ZNF654: variants seen among roughly 807,000 people sequenced by gnomAD.
ZNF654 encodes zinc finger protein 654.
A neutral mutation model predicts 95.3 loss-of-function variants in ZNF654; 19 were observed. The ratio of observed to expected loss-of-function variants is 0.20; its 90% CI spans 0.14 to 0.29. The LOEUF is 0.29. Among genes scored for constraint, ZNF654 ranks in the 10% least tolerant of loss-of-function variants. The pLI is 1.00. For synonymous variants in ZNF654, 413 were observed against 457.9 expected (o/e 0.90, Z 1.25); for missense variants, 1,046 against 1,341.0 (o/e 0.78, Z 3.44).
intron 1 of ZNF654, among the ~76,000 whole-genome samples, chr3:88,062,351 C>T (rs1041712130): frequency 3.3e-5 from 5 of 152,128 alleles, no homozygotes; most frequent in African/African-American, 9.7e-5. Context: ...TGCTGAAAAG[C>T]AGTAAGTAAA....
At chr3:88,059,639 T>A in intron 1 of ZNF654, 134 bp downstream of exon 1, 2 of 967,534 alleles carry the variant, frequency 2.1e-6, no homozygotes, top group Non-Finnish European at 2.6e-6. Context: ...AGGCTGAAGC[T>A]CCCTCCTCCA....
At chr3:88,141,096 G>T (rs1358322707) in intron 8 of ZNF654, 48 bp downstream of exon 8, 1 of 1,524,746 alleles carries the variant, frequency 6.6e-7, no homozygotes, top group Non-Finnish European at 8.8e-7. Flanking sequence ...AAGAGAAAAT[G>T]GCATAAATAA....
chr3:88,100,656 G>GT (rs1239664652), intron 2 of ZNF654, among the ~76,000 whole-genome samples: 3 of 152,202 alleles, frequency 2.0e-5, no homozygotes, highest in Admixed American at 6.5e-5. Flanking sequence ...CATGTCCTTT[G>GT]TAGGGACATG....
At chr3:88,135,349 T>C in intron 7 of ZNF654, 147 bp downstream of exon 7, 1 of 541,432 alleles carries the variant, frequency 1.8e-6, no homozygotes, top group Non-Finnish European at 2.9e-6. Context: ...CATTCTCCTC[T>C]GCCCTAACTC....
chr3:88,117,464 T>C (rs1705480688), intron 3 of ZNF654, among the ~76,000 whole-genome samples: 1 of 152,064 alleles, frequency 6.6e-6, no homozygotes, highest in Non-Finnish European at 1.5e-5. Flanking sequence ...GTTTATAAGA[T>C]AGAGCAACAG....
In ZNF654 at chr3:88,088,065, A is replaced by G. The variant is rs2107667899; in HGVS notation, c.332+1663A>G. Among the ~76,000 whole-genome samples, 2 of 152,344 alleles carry G rather than the reference A, an allele frequency of 1.3e-5. 1 individual carries two copies. The highest frequency in any genetic ancestry group is 4.8e-5 in the African/African-American group (2 of 41,578). On this transcript the variant is annotated intron_variant, in intron 2 of 8. Transcript: ENST00000636215. ...ATTTCTAATTCTGAGCATTTCAGATAAGGGACACTCAACCTATACTACTTT... is the reference window on the plus strand; with the variant it reads ...ATTTCTAATTCTGAGCATTTCAGATGAGGGACACTCAACCTATACTACTTT...
chr3:88,074,143 C>G (rs1331933386), intron 1 of ZNF654, among the ~76,000 whole-genome samples: 1 of 152,084 alleles, frequency 6.6e-6, no homozygotes, highest in Non-Finnish European at 1.5e-5. Flanking sequence ...AGTCTAGAGT[C>G]TAAAGACATT....
intron 3 of ZNF654, among the ~76,000 whole-genome samples, chr3:88,117,655 A>G (rs779554178): frequency 6.6e-6 from 1 of 152,214 alleles, no homozygotes; most frequent in Non-Finnish European, 1.5e-5. Context: ...TGAAGAATCC[A>G]TTAATGTCTA....
In ZNF654 at chr3:88,141,043, A is replaced by G. The variant is rs1265055449; in HGVS notation, c.3374A>G (p.Asp1125Gly). 1 of 1,591,684 alleles carries G rather than the reference A, an allele frequency of 6.3e-7. No homozygotes were observed. The highest frequency in any genetic ancestry group is 1.2e-5 in the South Asian group (1 of 86,696). ...ACACTCTTTGGATTTGATTCAGATG[A>G]TGAAAGTAAGTCTTCTGTCTTCTTA... is the stretch of plus-strand genomic sequence containing the variant. Reference protein sequence around the residue: ...CQTLFGFDSDDESA With the variant: ...CQTLFGFDSDGESA The change falls in exon 8 of 9, where the codon GAT becomes GGT. Residue 1125 changes from aspartate (D) to glycine (G), a missense_variant. Physicochemically the swap from Asp to Gly is moderately conservative, Grantham distance 94. Coordinates refer to ENST00000636215, the MANE Select transcript of ZNF654 (RefSeq NM_001350134.2).
intron 2 of ZNF654, among the ~76,000 whole-genome samples, chr3:88,109,066 G>A (rs1200974443): frequency 6.6e-6 from 1 of 151,712 alleles, no homozygotes; most frequent in Non-Finnish European, 1.5e-5. Context: ...ATTGGGTTAG[G>A]TGCTATCCGT....
chr3:88,099,445 A>G (rs1278457900), intron 2 of ZNF654, among the ~76,000 whole-genome samples: 4 of 152,184 alleles, frequency 2.6e-5, no homozygotes, highest in Admixed American at 6.6e-5. Context: ...CAAGCTACCA[A>G]TGCCTTTCTT....
In ZNF654 at chr3:88,142,213, A is replaced by G. The variant is rs1707166893; in HGVS notation, c.*561A>G. 6.6e-6 allele frequency: 1 copy of G among 152,308 alleles called. No homozygotes were observed. Among genetic ancestry groups the G allele is most frequent in the Non-Finnish European group, 1.5e-5 (1 of 67,846 alleles). 9.4% of individuals were successfully genotyped at this position (152,308 alleles called of 1,614,324 possible). A position where few individuals can be genotyped will look rare whatever the true frequency, so the allele number is the denominator to read the frequency against. On this transcript the variant is annotated 3_prime_UTR_variant, in exon 9 of 9. Transcript: ENST00000636215. ...TTAACTTACCACAGTGCTATCAATT[A>G]AAGATTGTAACAGGTTTCCAGATGA...
chr3:88,059,290 G>T lies in ZNF654; in HGVS notation c.-30G>T. 6.5e-7 allele frequency: 1 copy of T among 1,531,858 alleles called. No individual in the cohort carries two copies. The highest frequency in any genetic ancestry group is 1.2e-5 in the South Asian group (1 of 83,872). The allele number at this position is 1,531,858 out of a possible 1,614,324, so 94.9% of individuals were successfully genotyped here. A position where few individuals can be genotyped will look rare whatever the true frequency, so the allele number is the denominator to read the frequency against. On this transcript the variant is annotated 5_prime_UTR_variant, in exon 1 of 9. Transcript: ENST00000636215. ...TCTACGGCGGCGGCGGCGGCGCAGGGGCTGGTACGCGCTGGGCGGCGAGAG... is the reference window on the plus strand; with the variant it reads ...TCTACGGCGGCGGCGGCGGCGCAGGTGCTGGTACGCGCTGGGCGGCGAGAG...
At chr3:88,132,008 T>TTAA (rs1397838970) in intron 6 of ZNF654, among the ~76,000 whole-genome samples, 2 of 152,088 alleles carry the variant, frequency 1.3e-5, no homozygotes, top group Non-Finnish European at 2.9e-5. Context: ...TTCACAATCA[T>TTAA]TAATAATAAT....
chr3:88,080,431 G>C (rs980281680), intron 1 of ZNF654, among the ~76,000 whole-genome samples: 3 of 152,034 alleles, frequency 2.0e-5, no homozygotes, highest in Admixed American at 6.6e-5. Flanking sequence ...TTACATGCCA[G>C]GAATTATCCT....
chr3:88,108,351 A>C (rs1212738075), intron 2 of ZNF654, among the ~76,000 whole-genome samples: 1 of 152,128 alleles, frequency 6.6e-6, no homozygotes, highest in East Asian at 1.9e-4. Flanking sequence ...AATTGTTTTC[A>C]GAGGGAGAAT....
At chr3:88,085,329 A>G (rs373438596) in intron 1 of ZNF654, among the ~76,000 whole-genome samples, 9 of 152,232 alleles carry the variant, frequency 5.9e-5, no homozygotes, top group African/African-American at 2.2e-4. Flanking sequence ...AGCCACAGAC[A>G]ATACATAAAT....
intron 1 of ZNF654, among the ~76,000 whole-genome samples, chr3:88,081,382 C>T (rs995406015): frequency 1.3e-5 from 2 of 152,092 alleles, no homozygotes; most frequent in African/African-American, 4.8e-5. Context: ...TACCTTGAGA[C>T]TGCAAATCCT....
chr3:88,136,601 TTTA>T (rs568212709), intron 7 of ZNF654, among the ~76,000 whole-genome samples: 3 of 152,098 alleles, frequency 2.0e-5, no homozygotes, highest in Admixed American at 6.6e-5. Flanking sequence ...TTTTCCTCAT[TTTA>T]TTATTTGTTT....
Sources: allele counts gnomAD v4.1 joint callset (sites outside exome capture counted in the v4.1 genomes callset), GRCh38; gene constraint gnomAD v4.1.1; transcripts MANE v1.5; gene names NCBI Gene and HGNC (gene_info 2026-07-23, HGNC 2026-07-21).